Variants in SNTG2 observed in about 807,000 individuals in gnomAD.
SNTG2 encodes syntrophin gamma 2, also known as gamma-2-syntrophin.
SNTG2 carries 74 observed loss-of-function variants against 70.9 expected under a neutral mutation model. The observed-to-expected ratio is 1.04, with a 90% CI of 0.86 to 1.27. The LOEUF (loss-of-function observed/expected upper bound fraction) is 1.27, where lower values mean the gene tolerates loss of function less well. SNTG2 is among the 50% of genes most tolerant of loss of function. SNTG2 has a pLI of 0.00. For missense variants in SNTG2, 717 were observed against 690.7 expected, an observed-to-expected ratio of 1.04 and a Z score of -0.43; for synonymous variants, 278 against 273.8, an observed-to-expected ratio of 1.02 and a Z score of -0.15.
At chr2:1,211,424 G>A (rs1025468656) in intron 9 of SNTG2, among the ~76,000 whole-genome samples, 1 of 152,196 alleles carries the variant, frequency 6.6e-6, no homozygotes, top group Non-Finnish European at 1.5e-5. Flanking sequence ...GATGAATTCA[G>A]GTCATAAGAT....
At chr2:1,112,779 C>T (rs1453897077) in intron 4 of SNTG2, among the ~76,000 whole-genome samples, 7 of 149,840 alleles carry the variant, frequency 4.7e-5, no homozygotes, top group Non-Finnish European at 7.4e-5. Flanking sequence ...TGAGGAGGAT[C>T]GTGTGTACTA....
chr2:1,225,707 T>C (rs72768862), intron 9 of SNTG2, among the ~76,000 whole-genome samples: 1 of 152,174 alleles, frequency 6.6e-6, no homozygotes, highest in African/African-American at 2.4e-5. Flanking sequence ...TGGGGTGGAA[T>C]TTAAGCACCG....
chr2:1,153,247 C>CT (rs1204681182), intron 6 of SNTG2, among the ~76,000 whole-genome samples: 3 of 152,042 alleles, frequency 2.0e-5, no homozygotes, highest in South Asian at 2.1e-4. Context: ...ACCGTGACAT[C>CT]TTTTTTTTAT....
chr2:1,100,228 G>A (rs914400849), intron 4 of SNTG2, among the ~76,000 whole-genome samples: 7 of 151,804 alleles, frequency 4.6e-5, no homozygotes, highest in African/African-American at 1.2e-4. Context: ...GTGCAGAGGC[G>A]CGATCTCGGC....
intron 1 of SNTG2, among the ~76,000 whole-genome samples, chr2:1,055,957 G>C (rs1180502120): frequency 6.6e-6 from 1 of 152,136 alleles, no homozygotes; most frequent in African/African-American, 2.4e-5. Context: ...GTATTTCCTG[G>C]AGGGTCTGAT....
rs114558508 is a variant in SNTG2 at position 1,130,762 on chromosome 2, T to A, written c.326-6860T>A. 5.7e-3 allele frequency among the ~76,000 whole-genome samples: 864 copies of A among 152,244 alleles called. 6 individuals are homozygous for A. Among genetic ancestry groups the A allele is most frequent in the African/African-American group, 0.02 (819 of 41,554 alleles). On this transcript the variant is annotated intron_variant, in intron 4 of 16. Coordinates refer to ENST00000308624, the MANE Select transcript of SNTG2 (RefSeq NM_018968.4). ...GAGTACAGTGTTGGAGATTAAAAAC[T>A]CTGTGTAGAGAAGCATTTTTCATGG... is the stretch of plus-strand genomic sequence containing the variant.
intron 16 of SNTG2, among the ~76,000 whole-genome samples, chr2:1,331,415 A>G (rs1356422384): frequency 6.6e-6 from 1 of 152,250 alleles, no homozygotes; most frequent in East Asian, 1.9e-4. Flanking sequence ...AGCTAAGTCC[A>G]ACTGACTTTG....
intron 1 of SNTG2, among the ~76,000 whole-genome samples, chr2:1,028,707 C>G (rs887826573): frequency 6.6e-6 from 1 of 150,970 alleles, no homozygotes; most frequent in African/African-American, 2.4e-5. Flanking sequence ...CTGGTCCTCT[C>G]TGCCTCTGCA....
chr2:1,111,195 G>T lies in SNTG2; in HGVS notation c.325+12785G>T, dbSNP rs528610821. 2.6e-5 allele frequency among the ~76,000 whole-genome samples: 4 copies of T among 152,320 alleles called. No individual in the cohort carries two copies. In the South Asian group the frequency reaches 6.2e-4, roughly 24 times the overall value. ...TTTTAAAGCTATCAAAGTATAAATAGAACTTGACAAGGATAATATAAAATG... is the reference window on the plus strand; with the variant it reads ...TTTTAAAGCTATCAAAGTATAAATATAACTTGACAAGGATAATATAAAATG... On this transcript the variant is annotated intron_variant, in intron 4 of 16. Coordinates refer to ENST00000308624, the MANE Select transcript of SNTG2 (RefSeq NM_018968.4).
At chr2:977,289 A>G (rs1660937551) in intron 1 of SNTG2, among the ~76,000 whole-genome samples, 1 of 152,236 alleles carries the variant, frequency 6.6e-6, no homozygotes, top group South Asian at 2.1e-4. Flanking sequence ...GCCCTGCGTT[A>G]GAAGATTTTC....
intron 6 of SNTG2, among the ~76,000 whole-genome samples, chr2:1,150,408 A>G (rs1669400166): frequency 6.6e-6 from 1 of 152,220 alleles, no homozygotes; most frequent in Non-Finnish European, 1.5e-5. Flanking sequence ...TTTCCCTGCC[A>G]CAGCACCAGT....
At chr2:1,270,324 C>G (rs373543270) in intron 14 of SNTG2, among the ~76,000 whole-genome samples, 1 of 152,160 alleles carries the variant, frequency 6.6e-6, no homozygotes, top group Non-Finnish European at 1.5e-5. Flanking sequence ...TATAACTCAT[C>G]ATGGAGTACT....
intron 6 of SNTG2, among the ~76,000 whole-genome samples, chr2:1,157,504 C>G (rs1245674730): frequency 1.3e-5 from 2 of 152,206 alleles, no homozygotes; most frequent in Admixed American, 6.5e-5. Context: ...TAGAAAAAGT[C>G]CAGGGCTGTG....
rs894833674 is a variant in SNTG2, at chr2:1,259,500, A to C, written c.1077+59A>C. 4.4e-6 allele frequency: 6 copies of C among 1,361,306 alleles called. No individual in the cohort carries two copies. In the African/African-American group the frequency reaches 8.6e-5, roughly 20 times the overall value. 84.3% of individuals were successfully genotyped at this position (1,361,306 alleles called of 1,614,324 possible). A position where few individuals can be genotyped will look rare whatever the true frequency, so the allele number is the denominator to read the frequency against. The stretch of plus-strand genomic sequence containing the variant: ...CAAATAAGATGCCCTTTGGGCTTGC[A>C]GAATGAGAGGATTGTTTGTTCTGCG... On this transcript the variant is annotated intron_variant, in intron 13 of 16. Coordinates refer to ENST00000308624, the MANE Select transcript of SNTG2 (RefSeq NM_018968.4).
At chr2:998,164 A>G (rs1224237976) in intron 1 of SNTG2, among the ~76,000 whole-genome samples, 3 of 152,222 alleles carry the variant, frequency 2.0e-5, no homozygotes, top group Non-Finnish European at 4.4e-5. Flanking sequence ...ATTCATCCAA[A>G]TGAAAGTAAA....
intron 16 of SNTG2, among the ~76,000 whole-genome samples, chr2:1,362,620 C>A (rs78614341): frequency 1.9e-5 from 2 of 107,682 alleles, no homozygotes; most frequent in Admixed American, 9.4e-5. Context: ...AGGTCACCGA[C>A]ACTGAGCATT....
intron 6 of SNTG2, among the ~76,000 whole-genome samples, chr2:1,139,212 T>TTTTG (rs367935834): frequency 5.4e-5 from 8 of 148,474 alleles, no homozygotes; most frequent in African/African-American, 1.8e-4. Context: ...GCAACAGTTT[T>TTTTG]TTTGTTTGTT....
intron 4 of SNTG2, among the ~76,000 whole-genome samples, chr2:1,119,254 C>T (rs1359316821): frequency 6.6e-6 from 1 of 152,190 alleles, no homozygotes; most frequent in Admixed American, 6.5e-5. Context: ...TTCATAATCA[C>T]TATGCTTGCT....
intron 8 of SNTG2, among the ~76,000 whole-genome samples, chr2:1,196,600 T>C (rs1441299847): frequency 6.6e-6 from 1 of 151,918 alleles, no homozygotes; most frequent in Admixed American, 6.6e-5. Flanking sequence ...AAGTAAAAGA[T>C]AAAAAGAGAA....
Sources: allele counts gnomAD v4.1 joint callset (sites outside exome capture counted in the v4.1 genomes callset), GRCh38; gene constraint gnomAD v4.1.1; transcripts MANE v1.5; gene names NCBI Gene and HGNC (gene_info 2026-07-23, HGNC 2026-07-21).